Variants in NPR1 observed in about 807,000 individuals in gnomAD.
NPR1 encodes natriuretic peptide receptor 1.
Under a neutral mutation model 116.9 loss-of-function variants are expected in NPR1, and 57 were observed. The observed-to-expected ratio is 0.49, with a 90% CI of 0.39 to 0.61. NPR1 has a LOEUF of 0.61. Ranked by LOEUF, NPR1 falls within the 20% of genes least tolerant of loss-of-function variation. NPR1 has a pLI of 0.00. For synonymous variants in NPR1, 555 were observed against 601.6 expected, an observed-to-expected ratio of 0.92 and a Z score of 1.13; for missense variants, 1,096 against 1,409.8, an observed-to-expected ratio of 0.78 and a Z score of 3.56.
rs778686253 is a variant in NPR1 at position 153,681,304 on chromosome 1, G to T, written c.1035+11G>T. ...ATGGAGGATGGCCTGGTAAGAAGGG[G>T]TCCCGGGACCCTCCAGCGTGGACCT... On this transcript the variant is annotated intron_variant, in intron 3 of 21. Transcript: ENST00000368680. 1 of 1,528,266 alleles carries T rather than the reference G, an allele frequency of 6.5e-7. No homozygotes were observed. Among genetic ancestry groups the T allele is most frequent in the Non-Finnish European group, 9.1e-7 (1 of 1,102,314 alleles). 94.7% of individuals were successfully genotyped at this position (1,528,266 alleles called of 1,614,324 possible). A position where few individuals can be genotyped will look rare whatever the true frequency, so the allele number is the denominator to read the frequency against.
Position 153,690,329 on chromosome 1 carries a change from G to A in NPR1, c.2978G>A (p.Cys993Tyr). Residue 993 changes from cysteine to tyrosine, a missense_variant, in exon 20 of 22, where the codon TGT becomes TAT. Cys to Tyr is a radical substitution (Grantham distance 194). Transcript: ENST00000368680. ...GVVGLKMPRY[C>Y]LFGDTVNTAS... ...GTGGGACTGAAGATGCCCCGTTACT[G>A]TCTCTTTGGGGATACAGTCAACACA... 1 of 1,561,182 alleles carries A rather than the reference G, an allele frequency of 6.4e-7. No homozygotes were observed. The highest frequency in any genetic ancestry group is 8.7e-7 in the Non-Finnish European group (1 of 1,151,326).
chr1:153,687,912 T>G, intron 14 of NPR1, 123 bp downstream of exon 14: 1 of 1,175,554 alleles, frequency 8.5e-7, no homozygotes, highest in East Asian at 2.4e-5. Flanking sequence ...CACCACCCTT[T>G]GACCCATTGC....
rs762985078 is a variant in NPR1, at chr1:153,689,408, G to A, written c.2689-45G>A. On this transcript the variant is annotated intron_variant, in intron 17 of 21. Coordinates refer to ENST00000368680, the MANE Select transcript of NPR1 (RefSeq NM_000906.4). The surrounding 1 kb of genome is among the most constrained non-coding windows in gnomAD (Gnocchi z 5.1). ...CTGCTTTACCCACCTGACCCCAGGT[G>A]GGGTCCCCTACTTCCTGTCTCTCTT... 2 of 1,613,548 alleles carry A rather than the reference G, an allele frequency of 1.2e-6. No homozygotes were observed. The highest frequency in any genetic ancestry group is 1.7e-6 in the Non-Finnish European group (2 of 1,179,542).
At chr1:153,687,532 C>T (rs1427256680) in intron 13 of NPR1, 102 bp from the exon 14 acceptor site, 22 of 1,486,252 alleles carry the variant, frequency 1.5e-5, no homozygotes, top group Non-Finnish European at 1.5e-5. Context: ...AGCTCTAACA[C>T]TCTGTGATGC....
chr1:153,684,818 A>G (rs1178963489), intron 7 of NPR1, 146 bp from the exon 8 acceptor site: 20 of 1,132,254 alleles, frequency 1.8e-5, no homozygotes, highest in Non-Finnish European at 2.4e-5. Context: ...TCCCCCAGCC[A>G]TCCTGATTCT....
chr1:153,684,351 T>C (rs1195575540), intron 7 of NPR1, among the ~76,000 whole-genome samples: 1 of 150,822 alleles, frequency 6.6e-6, no homozygotes, highest in Non-Finnish European at 1.5e-5. Context: ...ATATAATGTG[T>C]GCCAGGCACT....
rs371305375 is a variant in NPR1, at chr1:153,687,762, G to A, written c.2221G>A (p.Val741Met). 1.7e-5 allele frequency: 27 copies of A among 1,598,346 alleles called. No homozygotes were observed. The highest frequency in any genetic ancestry group is 5.5e-5 in the South Asian group (5 of 90,476). The change falls in exon 14 of 22, where the codon GTG becomes ATG. Residue 741 changes from valine (V) to methionine (M), a missense_variant. Coordinates refer to ENST00000368680, the MANE Select transcript of NPR1 (RefSeq NM_000906.4). ...EIALRSGVFH[V>M]EGLDLSPKEI... ...TGCCCTGAGGAGTGGGGTCTTCCAC[G>A]TGGAAGGTTTGGACCTGAGCCCCAA...
Position 153,678,908 on chromosome 1 carries a change from C to A in NPR1, c.-201C>A. 1 of 645,130 alleles carries A rather than the reference C, an allele frequency of 1.6e-6. No homozygotes were observed. Among genetic ancestry groups the A allele is most frequent in the Non-Finnish European group, 2.4e-6 (1 of 423,326 alleles). 40.0% of individuals were successfully genotyped at this position (645,130 alleles called of 1,614,324 possible). The stretch of plus-strand genomic sequence containing the variant: ...CACCTGCTCCGCGGCGCCCTGCGCG[C>A]CCCCCTCGGTCGCGCCCCTTGCGCT... On this transcript the variant is annotated 5_prime_UTR_variant, in exon 1 of 22. Coordinates refer to ENST00000368680, the MANE Select transcript of NPR1 (RefSeq NM_000906.4). The surrounding 1 kb of genome is among the most constrained non-coding windows in gnomAD (Gnocchi z 5.8).
In NPR1 at chr1:153,678,793, T is replaced by TTCTC. The variant is rs72446315; in HGVS notation, c.-296_-293dup. ...TTCACGAAGCGCTCACTCGCACCCT[T>TTCTC]TCTCTCTCTCTCTCTCTCTCTCTAA... is the stretch of plus-strand genomic sequence containing the variant. On this transcript the variant is annotated 5_prime_UTR_variant, in exon 1 of 22. Coordinates refer to ENST00000368680, the MANE Select transcript of NPR1 (RefSeq NM_000906.4). The surrounding 1 kb of genome is among the most constrained non-coding windows in gnomAD (Gnocchi z 5.8). 4.3e-3 allele frequency: 1,472 copies of TTCTC among 343,084 alleles called. 8 individuals carry two copies. Among genetic ancestry groups the TTCTC allele is most frequent in the African/African-American group, 0.022 (1,015 of 46,364 alleles). 21.3% of individuals were successfully genotyped at this position (343,084 alleles called of 1,614,324 possible). A position where few individuals can be genotyped will look rare whatever the true frequency, so the allele number is the denominator to read the frequency against.
At position 153,686,686 on chromosome 1, in the gene NPR1, G is replaced by A; in HGVS notation, c.1799G>A (p.Gly600Glu). The A allele has an allele frequency of 1.2e-6, 2 of 1,613,942 alleles. No individual in the cohort carries two copies. The highest frequency in any genetic ancestry group is 2.2e-5 in the East Asian group (1 of 44,882). Residue 600 changes from glycine to glutamate, a missense_variant, in exon 11 of 22, where the codon GGA becomes GAA. By Grantham distance (98) the Gly-to-Glu change is moderately conservative (BLOSUM62 -2). Coordinates refer to ENST00000368680, the MANE Select transcript of NPR1 (RefSeq NM_000906.4). Reference sequence around the variant, plus strand: ...AATGAACACCTGACCAGGTTTGTGGGAGCCTGCACCGACCCCCCCAATATC... The same window carrying A: ...AATGAACACCTGACCAGGTTTGTGGAAGCCTGCACCGACCCCCCCAATATC... ...VQNEHLTRFV[G>E]ACTDPPNICI... is the part of the protein sequence containing the mutation.
intron 8 of NPR1, 23 bp downstream of exon 8, chr1:153,685,107 T>TG (rs749044712): frequency 6.2e-7 from 1 of 1,612,154 alleles, no homozygotes; most frequent in Non-Finnish European, 8.5e-7. Flanking sequence ...GTGTTTGTGT[T>TG]GGGGGGCAAT....
At position 153,687,346 on chromosome 1, in the gene NPR1, C is replaced by T. The variant is rs1160495569; in HGVS notation, c.2082C>T (p.Thr694=). 8.1e-6 allele frequency: 13 copies of T among 1,613,892 alleles called. No individual in the cohort carries two copies. The highest frequency in any genetic ancestry group is 2.2e-5 in the East Asian group (1 of 44,894). The change falls in exon 13 of 22, where the codon ACC becomes ACT. Residue 694 remains threonine (T), a synonymous_variant. Coordinates refer to ENST00000368680, the MANE Select transcript of NPR1 (RefSeq NM_000906.4). ...FRDLDPEQGH[T]VYAKKLWTAP... is the part of the protein sequence containing the mutation. ...ACCTGGACCCAGAGCAAGGACACAC[C>T]GTTTATGCCAGTGAGCCTTGACTCT... is the stretch of plus-strand genomic sequence containing the variant.
At chr1:153,687,874 A>G (rs372963289) in intron 14 of NPR1, 85 bp downstream of exon 14, 1 of 1,394,348 alleles carries the variant, frequency 7.2e-7, no homozygotes, top group Non-Finnish European at 9.8e-7. Flanking sequence ...CAGCACCACC[A>G]CACCTTCCTT....
chr1:153,681,976 GC>G, intron 4 of NPR1, 137 bp downstream of exon 4: 1 of 1,040,528 alleles, frequency 9.6e-7, no homozygotes, highest in Non-Finnish European at 1.4e-6. Flanking sequence ...CTTTTTTCAG[GC>G]CCATCCCTCA....
rs1234017198 is a variant in NPR1, at chr1:153,688,039, C to T, written c.2249-14C>T. The T allele has an allele frequency of 4.7e-5, 22 of 467,310 alleles. No homozygotes were observed. Among genetic ancestry groups the T allele is most frequent in the Non-Finnish European group, 6.2e-5 (21 of 339,938 alleles). The allele number at this position is 467,310 out of a possible 1,614,324, so 28.9% of individuals were successfully genotyped here. A position where few individuals can be genotyped will look rare whatever the true frequency, so the allele number is the denominator to read the frequency against. ...CCAGCCCCACCCCTCAGCTCCTCTA[C>T]CCCCCCAATACAGAGATCATCGAGC... On this transcript the variant is annotated splice_polypyrimidine_tract_variant and intron_variant, in intron 14 of 21. Transcript: ENST00000368680.
intron 10 of NPR1, 50 bp from the exon 11 acceptor site, chr1:153,686,596 G>T: frequency 1.4e-6 from 2 of 1,465,840 alleles, no homozygotes; most frequent in South Asian, 1.2e-5. Context: ...TGAGCAGCTT[G>T]GTGAGGAGCG....
intron 1 of NPR1, 70 bp from the exon 2 acceptor site, chr1:153,680,431 C>A: frequency 6.8e-7 from 1 of 1,479,830 alleles, no homozygotes; most frequent in Non-Finnish European, 9.4e-7. Flanking sequence ...CCTTGGGTGC[C>A]CCAGCTTTCC....
chr1:153,679,868 A>G lies in NPR1; in HGVS notation c.721+39A>G. On this transcript the variant is annotated intron_variant, in intron 1 of 21. Transcript: ENST00000368680. This position sits in a 1 kb window ranked among gnomAD's most constrained non-coding sequence, Gnocchi z 4.2. Reference sequence around the variant, plus strand: ...ACACCCCGTCCCGCCGCTTAGCCGCAGGGCCTCCCCTCTGACCTGCCGGAG... The same window carrying G: ...ACACCCCGTCCCGCCGCTTAGCCGCGGGGCCTCCCCTCTGACCTGCCGGAG... The G allele has an allele frequency of 2.6e-6, 4 of 1,531,274 alleles. No homozygotes were observed. The highest frequency in any genetic ancestry group is 2.7e-5 in the African/African-American group (2 of 72,736). 94.9% of individuals were successfully genotyped at this position (1,531,274 alleles called of 1,614,324 possible). A position where few individuals can be genotyped will look rare whatever the true frequency, so the allele number is the denominator to read the frequency against.
intron 15 of NPR1, 112 bp from the exon 16 acceptor site, chr1:153,688,839 AGC>A: frequency 7.7e-7 from 1 of 1,297,504 alleles, no homozygotes; most frequent in Non-Finnish European, 1.1e-6. Context: ...CTCAACCCTG[AGC>A]GTCTCTAGAG....
Sources: gnomAD v4.1 joint callset for allele counts (sites outside exome capture counted in the v4.1 genomes callset) on GRCh38, gnomAD v4.1.1 for gene constraint, Gnocchi (gnomAD v3.1) non-coding constraint, MANE v1.5 for transcripts, NCBI Gene and HGNC (gene_info 2026-07-23, HGNC 2026-07-21) for gene names.